Variants in HYDIN observed in about 807,000 individuals in gnomAD.
HYDIN encodes axonemal central pair apparatus protein HYDIN.
In HYDIN, 132 loss-of-function variants were observed where a neutral mutation model predicts 403.9. That is an observed-to-expected ratio of 0.33 (90% confidence interval 0.28 to 0.38). HYDIN has a LOEUF of 0.38. Among genes scored for constraint, HYDIN ranks in the 10% least tolerant of loss-of-function variants. HYDIN has a pLI of 1.00. For synonymous variants in HYDIN, 1,202 were observed against 1,891.7 expected, an observed-to-expected ratio of 0.64 and a Z score of 9.46; for missense variants, 2,827 against 5,009.5, an observed-to-expected ratio of 0.56 and a Z score of 13.15.
rs11383182 is a variant in HYDIN at position 71,004,314 on chromosome 16, CAA to C, written c.3645-12106_3645-12105del. 1.0e-3 allele frequency among the ~76,000 whole-genome samples: 88 copies of C among 88,166 alleles called. 1 individual carries two copies. Among genetic ancestry groups the C allele is most frequent in the African/African-American group, 2.3e-3 (55 of 23,428 alleles). 57.8% of individuals were successfully genotyped at this position (88,166 alleles called of 152,430 possible). ...GGGCAACAAGAGCGAAACTCCATTT[CAA>C]AAAAAAAAAAAAAAAAGGAACTCTT... On this transcript the variant is annotated intron_variant, in intron 23 of 85. Transcript: ENST00000393567.
intron 43 of HYDIN, among the ~76,000 whole-genome samples, chr16:70,940,625 G>A (rs942012817): frequency 3.9e-4 from 60 of 152,330 alleles, no homozygotes; most frequent in African/African-American, 1.3e-3. Flanking sequence ...GGATCAGTAT[G>A]GAGAAATGAG....
chr16:70,965,527 G>C (rs1597431270), intron 36 of HYDIN, among the ~76,000 whole-genome samples: 1 of 152,056 alleles, frequency 6.6e-6, no homozygotes, highest in East Asian at 1.9e-4. Context: ...AATTTAACTA[G>C]ACAGCCTGTA....
chr16:71,073,196 A>T (rs2144317098), intron 13 of HYDIN, among the ~76,000 whole-genome samples: 1 of 152,234 alleles, frequency 6.6e-6, no homozygotes, highest in South Asian at 2.1e-4. Context: ...TAGATGCCTG[A>T]CGTTACTGAT....
chr16:71,033,962 A>G (rs2144167892), intron 18 of HYDIN, among the ~76,000 whole-genome samples: 1 of 152,244 alleles, frequency 6.6e-6, no homozygotes, highest in Non-Finnish European at 1.5e-5. Flanking sequence ...AGAGATGTGG[A>G]GAGTATTTAG....
intron 10 of HYDIN, among the ~76,000 whole-genome samples, chr16:71,102,504 T>G (rs1228888287): frequency 6.6e-6 from 1 of 151,666 alleles, no homozygotes; most frequent in Non-Finnish European, 1.5e-5. Context: ...TGTAAGTTGT[T>G]TTACCTAAAT....
At chr16:71,172,759 T>C (rs1481309676) in intron 5 of HYDIN, among the ~76,000 whole-genome samples, 1 of 152,212 alleles carries the variant, frequency 6.6e-6, no homozygotes, top group African/African-American at 2.4e-5. Context: ...TTACATATCT[T>C]ACCATCCAGA....
intron 1 of HYDIN, among the ~76,000 whole-genome samples, chr16:71,216,511 G>A (rs2088890166): frequency 6.6e-6 from 1 of 152,166 alleles, no homozygotes; most frequent in Non-Finnish European, 1.5e-5. Flanking sequence ...GTGGGGAAGA[G>A]GAGGGCTATG....
Position 70,860,705 on chromosome 16 carries a change from C to T in HYDIN, c.11974G>A (p.Gly3992Arg). Residue 3992 changes from glycine (G) to arginine (R), a missense_variant, in exon 70 of 86, where the codon GGA becomes AGA. Physicochemically the swap from Gly to Arg is moderately radical, Grantham distance 125 (BLOSUM62 -2). Transcript: ENST00000393567. The stretch of plus-strand genomic sequence containing the variant: ...GCAACTCACCGGAGATTCTTCCCTC[C>T]TATGCCCACAGTGGTGAACTCAATC... ...RVIEFTTVGIGGKNLRTFTIL... is the reference protein window; with the variant it reads ...RVIEFTTVGIRGKNLRTFTIL... 1 of 545,508 alleles carries T rather than the reference C, an allele frequency of 1.8e-6. No homozygotes were observed. Among genetic ancestry groups the T allele is most frequent in the East Asian group, 2.8e-5 (1 of 35,206 alleles). The allele number at this position is 545,508 out of a possible 1,614,324, so 33.8% of individuals were successfully genotyped here.
At chr16:71,116,230 CTT>C (rs3051996) in intron 9 of HYDIN, among the ~76,000 whole-genome samples, 91 of 97,824 alleles carry the variant, frequency 9.3e-4, no homozygotes, top group African/African-American at 3.1e-3. Flanking sequence ...TGAGTTAGAC[CTT>C]TTTTTTTTTT....
chr16:70,916,198 C>G (rs1431696368), intron 47 of HYDIN, among the ~76,000 whole-genome samples: 2 of 152,082 alleles, frequency 1.3e-5, no homozygotes, highest in Admixed American at 6.6e-5. Flanking sequence ...CAAAGTTCAG[C>G]TGGAGACTTC....
chr16:71,089,282 C>T (rs1035597563), intron 11 of HYDIN, among the ~76,000 whole-genome samples: 3 of 152,152 alleles, frequency 2.0e-5, no homozygotes, highest in African/African-American at 7.2e-5. Flanking sequence ...CAAGGCAGGC[C>T]TCAGTCTACT....
chr16:70,996,941 A>G (rs1391484940), intron 23 of HYDIN, among the ~76,000 whole-genome samples: 1 of 150,456 alleles, frequency 6.6e-6, no homozygotes, highest in East Asian at 2.0e-4. Flanking sequence ...ACATTGTAAT[A>G]TATGATGAAA....
intron 75 of HYDIN, among the ~76,000 whole-genome samples, chr16:70,842,395 T>C (rs868676819): frequency 1.5e-4 from 22 of 151,674 alleles, no homozygotes; most frequent in Middle Eastern, 3.4e-3. Context: ...ATAATTGCTA[T>C]GTCTTCTTGA....
At chr16:71,130,519 C>T (rs1308318416) in intron 8 of HYDIN, among the ~76,000 whole-genome samples, 70 of 115,998 alleles carry the variant, frequency 6.0e-4, no homozygotes, top group African/African-American at 1.9e-3. Flanking sequence ...CTCGCTCTGT[C>T]GCCCAGGCCG....
intron 67 of HYDIN, among the ~76,000 whole-genome samples, chr16:70,864,833 A>G (rs12103112): frequency 6.6e-6 from 1 of 152,334 alleles, no homozygotes; most frequent in South Asian, 2.1e-4. Flanking sequence ...CGGTCTCTGC[A>G]ATGACTCAGC....
intron 46 of HYDIN, among the ~76,000 whole-genome samples, 199 bp downstream of exon 46, chr16:70,920,392 G>A (rs1357496243): frequency 6.7e-6 from 1 of 150,114 alleles, no homozygotes; most frequent in African/African-American, 2.5e-5. Flanking sequence ...TAATCTAGAT[G>A]TGTGACATTT....
At chr16:71,144,383 GT>G (rs1297964102) in intron 7 of HYDIN, among the ~76,000 whole-genome samples, 2 of 139,136 alleles carry the variant, frequency 1.4e-5, no homozygotes, top group African/African-American at 5.6e-5. Flanking sequence ...TTTGGTTTTG[GT>G]TTGGTTTTGT....
chr16:71,108,685 T>C (rs972423070), intron 10 of HYDIN, among the ~76,000 whole-genome samples: 1 of 151,896 alleles, frequency 6.6e-6, no homozygotes, highest in Non-Finnish European at 1.5e-5. Flanking sequence ...ATGTACCCCA[T>C]GAATATGTAT....
intron 47 of HYDIN, among the ~76,000 whole-genome samples, chr16:70,914,186 T>G (rs1227294660): frequency 6.6e-6 from 1 of 152,112 alleles, no homozygotes; most frequent in Non-Finnish European, 1.5e-5. Flanking sequence ...GTACCTTGGT[T>G]TTTTGCTTTT....
Sources: allele counts gnomAD v4.1 joint callset (sites outside exome capture counted in the v4.1 genomes callset), GRCh38; gene constraint gnomAD v4.1.1; transcripts MANE v1.5; gene names NCBI Gene and HGNC (gene_info 2026-07-23, HGNC 2026-07-21).